Variants in ENTPD2 observed in about 807,000 individuals in gnomAD.
The protein encoded by ENTPD2 is ectonucleoside triphosphate diphosphohydrolase 2.
In ENTPD2, 48 loss-of-function variants were observed where a neutral mutation model predicts 46.8. The observed-to-expected ratio is 1.03, with a 90% CI of 0.81 to 1.30. The LOEUF (loss-of-function observed/expected upper bound fraction) is 1.30. Ranked by LOEUF, ENTPD2 falls within the 50% of genes most tolerant of loss-of-function variation. The pLI is 0.00. For missense variants in ENTPD2, 707 were observed against 651.1 expected, an observed-to-expected ratio of 1.09 and a Z score of -0.93; for synonymous variants, 316 against 286.1, an observed-to-expected ratio of 1.10 and a Z score of -1.06.
intron 5 of ENTPD2, 48 bp from the exon 6 acceptor site, chr9:137,050,586 G>A (rs1449405963): frequency 2.5e-6 from 4 of 1,590,498 alleles, no homozygotes; most frequent in Non-Finnish European, 3.4e-6. Context: ...CCGCTCCAGA[G>A]GACCAGCCTG....
intron 6 of ENTPD2, 44 bp from the exon 7 acceptor site, chr9:137,050,033 A>T: frequency 1.3e-6 from 2 of 1,588,910 alleles, no homozygotes; most frequent in Non-Finnish European, 8.6e-7. Flanking sequence ...CCAGCGGCTC[A>T]GAGCACCTGC....
In ENTPD2 at chr9:137,051,230, A is replaced by G; in HGVS notation, c.527T>C (p.Leu176Pro). The stretch of plus-strand genomic sequence containing the variant: ...GCCCACCTTGATGAAGTTCTCCAGC[A>G]GGTAGTTGGCAGTCACCCAGCCAAA... ...GVFGWVTANY[L>P]LENFIKYGWV... is the part of the protein sequence containing the mutation. Residue 176 changes from leucine to proline, a missense_variant, in exon 4 of 9, where the codon CTG (leucine) becomes CCG (proline). Leu to Pro is a moderately conservative substitution (Grantham distance 98, BLOSUM62 -3). Coordinates refer to ENST00000355097, the MANE Select transcript of ENTPD2 (RefSeq NM_203468.3). The G allele has an allele frequency of 6.2e-7, 1 of 1,612,762 alleles. No individual in the cohort carries two copies. Among genetic ancestry groups the G allele is most frequent in the Non-Finnish European group, 8.5e-7 (1 of 1,179,876 alleles).
Position 137,052,350 on chromosome 9 carries a change from TGCGGGGGAG to T in ENTPD2, c.118-11_118-3del. ...ACCAGCGTCCAGGACGATGCCATAC[TGCGGGGGAG>T]GGGGAGGGAGTCAGCCTGGGGTGTC... is the stretch of plus-strand genomic sequence containing the variant. On this transcript the variant is annotated splice_polypyrimidine_tract_variant and splice_region_variant and intron_variant, in intron 1 of 8. Coordinates refer to ENST00000355097, the MANE Select transcript of ENTPD2 (RefSeq NM_203468.3). The T allele has an allele frequency of 1.4e-6, 1 of 691,220 alleles. No homozygotes were observed. The highest frequency in any genetic ancestry group is 2.3e-6 in the Non-Finnish European group (1 of 427,072). The allele number at this position is 691,220 out of a possible 1,614,324, so 42.8% of individuals were successfully genotyped here.
chr9:137,051,962 C>T (rs1466815878), intron 2 of ENTPD2, among the ~76,000 whole-genome samples: 2 of 152,172 alleles, frequency 1.3e-5, no homozygotes, highest in South Asian at 2.1e-4. Flanking sequence ...CCCCAGACCT[C>T]CTCCTGCTCC....
At position 137,051,595 on chromosome 9, in the gene ENTPD2, C is replaced by T. The variant is rs150545300; in HGVS notation, c.301G>A (p.Glu101Lys). 148 of 1,612,758 alleles carry T rather than the reference C, an allele frequency of 9.2e-5. No homozygotes were observed. The Middle Eastern group carries it at 3.5e-3, about 38-fold the overall frequency. Residue 101 changes from glutamate to lysine, a missense_variant, in exon 3 of 9, where the codon GAA becomes AAA. Glu to Lys is a moderately conservative substitution (Grantham distance 56). Coordinates refer to ENST00000355097, the MANE Select transcript of ENTPD2 (RefSeq NM_203468.3). ...TTGGGCACATCCTGAAGCGCCTGTT[C>T]GAGGCATCCAACAAGACTCTGGCTG... ...GASQSLVGCL[E>K]QALQDVPKER...
chr9:137,051,462 C>T (rs1372248977), intron 3 of ENTPD2, 48 bp downstream of exon 3: 1 of 1,552,114 alleles, frequency 6.4e-7, no homozygotes, highest in Non-Finnish European at 8.7e-7. Flanking sequence ...CAAGGGGTCA[C>T]AGCCAAAGGC....
At chr9:137,048,904 CGCAAGGTCG>C (rs1343614041) in intron 8 of ENTPD2, 28 bp downstream of exon 8, 4 of 1,485,906 alleles carry the variant, frequency 2.7e-6, no homozygotes, top group Non-Finnish European at 3.6e-6. Flanking sequence ...GGCCCCGCCC[CGCAAGGTCG>C]GCCCCGCCCC....
chr9:137,051,401 T>C, intron 3 of ENTPD2, 31 bp from the exon 4 acceptor site: 2 of 1,539,126 alleles, frequency 1.3e-6, no homozygotes, highest in Non-Finnish European at 1.8e-6. Context: ...CAAGAGGCCT[T>C]CTCCCCAGGT....
At position 137,053,883 on chromosome 9, in the gene ENTPD2, T is replaced by C; in HGVS notation, c.115A>G (p.Lys39Glu). 1 of 1,223,310 alleles carries C rather than the reference T, an allele frequency of 8.2e-7. No homozygotes were observed. The allele number at this position is 1,223,310 out of a possible 1,614,324, so 75.8% of individuals were successfully genotyped here. Residue 39 changes from lysine (K) to glutamate (E), a missense_variant and splice_region_variant, in exon 1 of 9, where the codon AAG (lysine) becomes GAG (glutamate). By Grantham distance (56) the Lys-to-Glu change is moderately conservative. Transcript: ENST00000355097. ...TRDVREPPAL[K>E]YGIVLDAGSS... ...GCGCTGGGTGCCCGGGCGCGCACCT[T>C]GAGGGCGGGCGGCTCCCGGACGTCG...
rs1023109047 is a variant in ENTPD2, at chr9:137,048,647, C to G, written c.*10G>C. On this transcript the variant is annotated 3_prime_UTR_variant, in exon 9 of 9. Transcript: ENST00000355097. ...TGGGGGAGGGATGGGGCAGCTGCCC[C>G]CGTCGGCCCCTAAATGGTGCTTGGC... The G allele has an allele frequency of 6.4e-7, 1 of 1,563,444 alleles. No homozygotes were observed. The highest frequency in any genetic ancestry group is 1.4e-5 in the African/African-American group (1 of 73,784).
In ENTPD2 at chr9:137,052,443, C is replaced by A. The variant is rs571122326; in HGVS notation, c.118-95G>T. ...GTTGGGTTCCTCCAGTTTGCCACCG[C>A]TCCCCCCCCCACCCAGTCATGTGCC... On this transcript the variant is annotated intron_variant, in intron 1 of 8. Coordinates refer to ENST00000355097, the MANE Select transcript of ENTPD2 (RefSeq NM_203468.3). 1.3e-5 allele frequency: 12 copies of A among 904,868 alleles called. 1 individual carries two copies. In the Admixed American group the frequency reaches 2.0e-4, roughly 15 times the overall value. 56.1% of individuals were successfully genotyped at this position (904,868 alleles called of 1,614,324 possible).
chr9:137,050,035 A>C, intron 6 of ENTPD2, 46 bp from the exon 7 acceptor site: 1 of 1,584,676 alleles, frequency 6.3e-7, no homozygotes. Context: ...AGCGGCTCAG[A>C]GCACCTGCTG....
intron 5 of ENTPD2, 133 bp downstream of exon 5, chr9:137,050,769 G>T: frequency 7.6e-7 from 1 of 1,311,700 alleles, no homozygotes; most frequent in Non-Finnish European, 1.0e-6. Flanking sequence ...CTTTGCTCAT[G>T]CTCTGACCCT....
At position 137,048,761 on chromosome 9, in the gene ENTPD2, T is replaced by G; in HGVS notation, c.1384A>C (p.Ser462Arg). 1 of 1,601,666 alleles carries G rather than the reference T, an allele frequency of 6.2e-7. No individual in the cohort carries two copies. Among genetic ancestry groups the G allele is most frequent in the Non-Finnish European group, 8.5e-7 (1 of 1,174,312 alleles). Residue 462 changes from serine (S) to arginine (R), a missense_variant, in exon 9 of 9, where the codon AGC becomes CGC. Physicochemically the swap from Ser to Arg is moderately radical, Grantham distance 110. Transcript: ENST00000355097. ...PPGLRKGTDF[S>R]SWVVLLLLFA... ...AGCAGCAGGAGGACGACCCAGGAGC[T>G]GAAGTCTGTGCCCTTGCGCAGCCCC...
chr9:137,049,201 C>T lies in ENTPD2; in HGVS notation c.1150-126G>A, dbSNP rs1037477877. On this transcript the variant is annotated intron_variant, in intron 7 of 8. Coordinates refer to ENST00000355097, the MANE Select transcript of ENTPD2 (RefSeq NM_203468.3). ...ACACGGGCCGTGCGAGGCCAGAGAC[C>T]ACCACACAGGCCCGGACACGAATGG... The T allele has an allele frequency of 3.4e-6, 5 of 1,450,932 alleles. No homozygotes were observed. In the East Asian group the frequency reaches 1.2e-4, roughly 36 times the overall value. 89.9% of individuals were successfully genotyped at this position (1,450,932 alleles called of 1,614,324 possible).
chr9:137,052,413 G>T (rs957691953), intron 1 of ENTPD2, 65 bp from the exon 2 acceptor site: 2 of 1,315,182 alleles, frequency 1.5e-6, no homozygotes, highest in Non-Finnish European at 2.1e-6. Flanking sequence ...GACACCAAAC[G>T]TGAAGTTGGG....
chr9:137,048,409 T>A lies in ENTPD2; in HGVS notation c.*248A>T. ...GAGTCTCAGTTCCTATTTCCTGGGC[T>A]GCCTTAGGGGCAGAGACGCTGAGGG... On this transcript the variant is annotated 3_prime_UTR_variant, in exon 9 of 9. Transcript: ENST00000355097. 2.1e-6 allele frequency: 1 copy of A among 465,814 alleles called. No homozygotes were observed. Among genetic ancestry groups the A allele is most frequent in the South Asian group, 2.9e-5 (1 of 34,352 alleles). The allele number at this position is 465,814 out of a possible 1,614,324, so 28.9% of individuals were successfully genotyped here.
In ENTPD2 at chr9:137,048,226, T is replaced by C. The variant is rs1005793084; in HGVS notation, c.*431A>G. 2.9e-5 allele frequency: 5 copies of C among 174,678 alleles called. No individual in the cohort carries two copies. Among genetic ancestry groups the C allele is most frequent in the Non-Finnish European group, 6.1e-5 (5 of 81,534 alleles). 10.8% of individuals were successfully genotyped at this position (174,678 alleles called of 1,614,324 possible). A position where few individuals can be genotyped will look rare whatever the true frequency, so the allele number is the denominator to read the frequency against. On this transcript the variant is annotated 3_prime_UTR_variant, in exon 9 of 9. Coordinates refer to ENST00000355097, the MANE Select transcript of ENTPD2 (RefSeq NM_203468.3). Reference sequence around the variant, plus strand: ...CTACACAGAAGGAGCCTCTAAGGGCTGATTCTCAGGACCAAGGCCCCACTC... The same window carrying C: ...CTACACAGAAGGAGCCTCTAAGGGCCGATTCTCAGGACCAAGGCCCCACTC...
Position 137,053,944 on chromosome 9 carries a change from G to T in ENTPD2, c.54C>A (p.Gly18=). 12 of 1,213,376 alleles carry T rather than the reference G, an allele frequency of 9.9e-6. No homozygotes were observed. Among genetic ancestry groups the T allele is most frequent in the Non-Finnish European group, 1.2e-5 (12 of 972,948 alleles). 75.2% of individuals were successfully genotyped at this position (1,213,376 alleles called of 1,614,324 possible). The change falls in exon 1 of 9, where the codon GGC becomes GGA. Residue 18 remains glycine (G), a synonymous_variant. Transcript: ENST00000355097. Reference sequence around the variant, plus strand: ...CGCACAGCAGTAGGAGGCCGGCGAGGCCCGCGGCGGCCAGCAGCAGCGGCG... The same window carrying T: ...CGCACAGCAGTAGGAGGCCGGCGAGTCCCGCGGCGGCCAGCAGCAGCGGCG... The part of the protein sequence containing the change: ...LLPPLLLAAA[G]LAGLLLLCVP...
Sources: allele counts gnomAD v4.1 joint callset (sites outside exome capture counted in the v4.1 genomes callset), GRCh38; gene constraint gnomAD v4.1.1; transcripts MANE v1.5; gene names NCBI Gene and HGNC (gene_info 2026-07-23, HGNC 2026-07-21).